Variants in TSPAN5 observed in about 807,000 individuals in gnomAD.
TSPAN5 encodes tetraspanin-5.
A neutral mutation model predicts 37.1 loss-of-function variants in TSPAN5; 10 were observed. That is an observed-to-expected ratio of 0.27 (90% CI 0.17 to 0.46). The LOEUF (loss-of-function observed/expected upper bound fraction) is 0.46, where lower values mean the gene tolerates loss of function less well. Among genes scored for constraint, TSPAN5 ranks in the 20% least tolerant of loss-of-function variants. TSPAN5 has a pLI of 1.00. For missense variants in TSPAN5, 195 were observed against 326.6 expected (o/e 0.60, Z 3.11); for synonymous variants, 110 against 118.9 (o/e 0.93, Z 0.48).
chr4:98,611,841 T>C (rs1048779868), intron 1 of TSPAN5, among the ~76,000 whole-genome samples: 4 of 152,204 alleles, frequency 2.6e-5, no homozygotes, highest in African/African-American at 9.6e-5. Context: ...AAGAACACCC[T>C]CTTCCTCCAG....
intron 1 of TSPAN5, among the ~76,000 whole-genome samples, chr4:98,547,734 TG>T (rs1211806231): frequency 1.3e-5 from 2 of 151,938 alleles, no homozygotes; most frequent in African/African-American, 4.8e-5. Flanking sequence ...AAGCCAGGTG[TG>T]GTGGCTCACG....
intron 4 of TSPAN5, 80 bp downstream of exon 4, chr4:98,481,925 C>A: frequency 6.9e-7 from 1 of 1,443,396 alleles, no homozygotes; most frequent in South Asian, 1.2e-5. Context: ...CTGGCAGATG[C>A]AGAAACCAGG....
chr4:98,658,010 G>A, intron 1 of TSPAN5, 136 bp downstream of exon 1: 3 of 788,850 alleles, frequency 3.8e-6, no homozygotes, highest in African/African-American at 1.7e-5. Flanking sequence ...CTGGAAAGGC[G>A]GAAGGCGAAT....
intron 2 of TSPAN5, among the ~76,000 whole-genome samples, chr4:98,503,135 C>A (rs974172252): frequency 1.3e-5 from 2 of 151,960 alleles, no homozygotes; most frequent in Non-Finnish European, 2.9e-5. Context: ...ATTGTGGAAT[C>A]CTGCAACTGC....
chr4:98,506,719 G>A (rs2110285309), intron 2 of TSPAN5, among the ~76,000 whole-genome samples: 1 of 152,262 alleles, frequency 6.6e-6, no homozygotes, highest in East Asian at 1.9e-4. Context: ...ATGGTCTTCT[G>A]GGAAATTTTA....
At chr4:98,489,827 A>C (rs777146828) in intron 2 of TSPAN5, among the ~76,000 whole-genome samples, 4 of 152,178 alleles carry the variant, frequency 2.6e-5, no homozygotes, top group African/African-American at 7.2e-5. Context: ...TGAGGCCAAG[A>C]ACCCCAGGTC....
chr4:98,554,618 A>G (rs1754697621), intron 1 of TSPAN5, among the ~76,000 whole-genome samples: 1 of 152,232 alleles, frequency 6.6e-6, no homozygotes, highest in African/African-American at 2.4e-5. Context: ...TTATTTCTAG[A>G]TTAAATTTGG....
chr4:98,622,946 G>C (rs1756516134), intron 1 of TSPAN5, among the ~76,000 whole-genome samples: 1 of 152,170 alleles, frequency 6.6e-6, no homozygotes. Flanking sequence ...ACTGAGCAAA[G>C]ACAAAAGAGA....
At chr4:98,488,925 T>G (rs985865559) in intron 2 of TSPAN5, among the ~76,000 whole-genome samples, 1 of 152,102 alleles carries the variant, frequency 6.6e-6, no homozygotes, top group African/African-American at 2.4e-5. Context: ...CAAGCAACAG[T>G]GCTAAAGGCC....
chr4:98,477,512 T>C (rs533315975), intron 5 of TSPAN5, among the ~76,000 whole-genome samples: 1 of 152,234 alleles, frequency 6.6e-6, no homozygotes, highest in East Asian at 1.9e-4. Flanking sequence ...GCTCTGCTTC[T>C]GAGGGGTAAG....
intron 1 of TSPAN5, among the ~76,000 whole-genome samples, chr4:98,640,536 A>G (rs1756943064): frequency 6.6e-6 from 1 of 152,224 alleles, no homozygotes; most frequent in African/African-American, 2.4e-5. Context: ...AGGACTGGCC[A>G]GGCCATGTCA....
At chr4:98,474,341 A>ATACG (rs1195841504) in intron 7 of TSPAN5, among the ~76,000 whole-genome samples, 3 of 152,158 alleles carry the variant, frequency 2.0e-5, no homozygotes, top group African/African-American at 7.2e-5. Flanking sequence ...AACTGACCAT[A>ATACG]TACGTACGAG....
chr4:98,605,031 T>G (rs1237906815), intron 1 of TSPAN5, among the ~76,000 whole-genome samples: 1 of 152,174 alleles, frequency 6.6e-6, no homozygotes, highest in East Asian at 1.9e-4. Flanking sequence ...ATATAATAAA[T>G]TAAATACAAA....
At chr4:98,479,865 C>T (rs755083297) in intron 4 of TSPAN5, among the ~76,000 whole-genome samples, 14 of 152,106 alleles carry the variant, frequency 9.2e-5, no homozygotes, top group South Asian at 2.1e-4. Flanking sequence ...AATTCTTATC[C>T]CTGTATACTG....
rs185547584 is a variant in TSPAN5, at chr4:98,626,785, G to A, written c.81+31361C>T. 4.0e-5 allele frequency among the ~76,000 whole-genome samples: 6 copies of A among 150,494 alleles called. No individual in the cohort carries two copies. The East Asian group carries it at 5.9e-4, about 15-fold the overall frequency. Reference sequence around the variant, plus strand: ...CCTGCCTGATTCGATCCTCTTTAGCGTTTATCACTATCTAATGATCTAATG... The same window carrying A: ...CCTGCCTGATTCGATCCTCTTTAGCATTTATCACTATCTAATGATCTAATG... On this transcript the variant is annotated intron_variant, in intron 1 of 7. Transcript: ENST00000305798.
intron 1 of TSPAN5, among the ~76,000 whole-genome samples, chr4:98,647,206 G>C (rs1560573085): frequency 6.6e-6 from 1 of 152,162 alleles, no homozygotes; most frequent in Non-Finnish European, 1.5e-5. Flanking sequence ...GTGACCTATG[G>C]AGTCTCCAGT....
chr4:98,649,910 C>A (rs1757148194), intron 1 of TSPAN5, among the ~76,000 whole-genome samples: 2 of 152,190 alleles, frequency 1.3e-5, no homozygotes, highest in Admixed American at 6.5e-5. Context: ...GGGCAAAGAA[C>A]AATCTGGAAA....
At chr4:98,490,979 G>A (rs1047607570) in intron 2 of TSPAN5, among the ~76,000 whole-genome samples, 5 of 151,916 alleles carry the variant, frequency 3.3e-5, no homozygotes, top group Non-Finnish European at 7.4e-5. Context: ...GAAGAATGGC[G>A]TGAACCCGGG....
intron 1 of TSPAN5, among the ~76,000 whole-genome samples, chr4:98,633,363 A>G (rs1032116821): frequency 6.6e-6 from 1 of 152,180 alleles, no homozygotes; most frequent in Non-Finnish European, 1.5e-5. Flanking sequence ...AGACTCACCT[A>G]AACAACTCAA....
Sources: allele counts gnomAD v4.1 joint callset (sites outside exome capture counted in the v4.1 genomes callset), GRCh38; gene constraint gnomAD v4.1.1; transcripts MANE v1.5; gene names NCBI Gene and HGNC (gene_info 2026-07-23, HGNC 2026-07-21).